SLC4A10: variants seen among roughly 807,000 people sequenced by gnomAD.
The protein encoded by SLC4A10 is solute carrier family 4 member 10.
Under a neutral mutation model 137.7 loss-of-function variants are expected in SLC4A10, and 42 were observed. The observed-to-expected ratio is 0.30, with a 90% CI of 0.24 to 0.39. SLC4A10 has a LOEUF of 0.39. Among genes scored for constraint, SLC4A10 ranks in the 10% least tolerant of loss-of-function variants. The probability of loss-of-function intolerance (pLI) is 1.00; values close to 1 mark genes in which losing one functional copy is unlikely to be tolerated. For synonymous variants in SLC4A10, 474 were observed against 464.1 expected (o/e 1.02, Z -0.27); for missense variants, 925 against 1,355.0 (o/e 0.68, Z 4.98).
chr2:161,624,663 G>T, intron 1 of SLC4A10, 97 bp downstream of exon 1: 1 of 1,515,594 alleles, frequency 6.6e-7, no homozygotes. Context: ...TGTACTTTTG[G>T]GGTGGTGGAT....
intron 3 of SLC4A10, among the ~76,000 whole-genome samples, chr2:161,805,536 A>C (rs2125605515): frequency 6.6e-6 from 1 of 152,310 alleles, no homozygotes; most frequent in Non-Finnish European, 1.5e-5. Context: ...ACTGGGGTAA[A>C]GGCATTAGGT....
intron 23 of SLC4A10, among the ~76,000 whole-genome samples, chr2:161,969,180 T>C (rs1698097151): frequency 6.6e-6 from 1 of 152,180 alleles, no homozygotes; most frequent in Non-Finnish European, 1.5e-5. Flanking sequence ...CCTCCAGGGT[T>C]TTCCTATCAG....
chr2:161,900,142 G>A (rs1255541493), intron 11 of SLC4A10, among the ~76,000 whole-genome samples: 7 of 151,984 alleles, frequency 4.6e-5, no homozygotes, highest in East Asian at 1.9e-4. Flanking sequence ...TAGGATTTTA[G>A]GTAGAACTTT....
At chr2:161,773,420 A>C (rs944857043) in intron 2 of SLC4A10, among the ~76,000 whole-genome samples, 2 of 151,910 alleles carry the variant, frequency 1.3e-5, no homozygotes, top group African/African-American at 4.8e-5. Context: ...TTAAAGGAAA[A>C]GAACAAAACT....
intron 1 of SLC4A10, among the ~76,000 whole-genome samples, chr2:161,689,126 T>TA (rs1173879132): frequency 6.6e-6 from 1 of 152,142 alleles, no homozygotes; most frequent in African/African-American, 2.4e-5. Flanking sequence ...ATCAAAAAGT[T>TA]AAAAAAATTA....
intron 17 of SLC4A10, among the ~76,000 whole-genome samples, chr2:161,947,983 A>G (rs1349443878): frequency 6.6e-6 from 1 of 152,094 alleles, no homozygotes; most frequent in Non-Finnish European, 1.5e-5. Flanking sequence ...TTCACAGCAC[A>G]CACTGCATTA....
chr2:161,740,060 C>A (rs1236129753), intron 1 of SLC4A10, among the ~76,000 whole-genome samples: 1 of 152,180 alleles, frequency 6.6e-6, no homozygotes, highest in Non-Finnish European at 1.5e-5. Flanking sequence ...CAAAGACAGG[C>A]TTTTACCAGG....
Position 161,922,032 on chromosome 2 carries a change from C to A in SLC4A10, c.1997+16145C>A, listed in dbSNP as rs753258316. Among the ~76,000 whole-genome samples, 4 of 152,108 alleles carry A rather than the reference C, an allele frequency of 2.6e-5. No homozygotes were observed. In the South Asian group the frequency reaches 8.3e-4, roughly 31 times the overall value. ...GCATAGACAGGATTCCTTCATGGAACTTATAGTCTGTTGAAAGAATCAGAC... is the reference window on the plus strand; with the variant it reads ...GCATAGACAGGATTCCTTCATGGAAATTATAGTCTGTTGAAAGAATCAGAC... On this transcript the variant is annotated intron_variant, in intron 15 of 26. Coordinates refer to ENST00000446997, the MANE Select transcript of SLC4A10 (RefSeq NM_001178015.2).
At chr2:161,642,565 G>C (rs2035457177) in intron 1 of SLC4A10, among the ~76,000 whole-genome samples, 1 of 151,910 alleles carries the variant, frequency 6.6e-6, no homozygotes, top group South Asian at 2.1e-4. Flanking sequence ...AAAATGAATG[G>C]TTCATATATT....
intron 3 of SLC4A10, among the ~76,000 whole-genome samples, chr2:161,828,048 C>T (rs2058142918): frequency 6.6e-6 from 1 of 152,104 alleles, no homozygotes; most frequent in African/African-American, 2.4e-5. Context: ...TGACTTTGGT[C>T]CCCAGCTCTC....
At chr2:161,917,714 G>A (rs1687379829) in intron 15 of SLC4A10, among the ~76,000 whole-genome samples, 1 of 152,012 alleles carries the variant, frequency 6.6e-6, no homozygotes, top group Admixed American at 6.5e-5. Flanking sequence ...CTATTGTGCT[G>A]GTGTGTAGCG....
intron 20 of SLC4A10, 125 bp downstream of exon 20, chr2:161,957,365 C>A: frequency 8.9e-7 from 1 of 1,123,774 alleles, no homozygotes; most frequent in Non-Finnish European, 1.2e-6. Context: ...TGATGAATTT[C>A]TGAACCATGT....
chr2:161,841,780 A>G (rs1179424856), intron 4 of SLC4A10, among the ~76,000 whole-genome samples: 4 of 152,234 alleles, frequency 2.6e-5, no homozygotes. Flanking sequence ...CACAAGGTAT[A>G]GGATGGCAGA....
chr2:161,708,694 C>G (rs2043950545), intron 1 of SLC4A10: 2 of 1,514,358 alleles, frequency 1.3e-6, no homozygotes, highest in Admixed American at 4.3e-5. Flanking sequence ...TTTTCACTAG[C>G]CCTGAAGATG....
chr2:161,941,697 T>C (rs1476197741), intron 15 of SLC4A10, among the ~76,000 whole-genome samples: 1 of 152,102 alleles, frequency 6.6e-6, no homozygotes, highest in Non-Finnish European at 1.5e-5. Context: ...CAGCGTAACA[T>C]GGTTGGTTGA....
chr2:161,953,004 A>G (rs1201705195), intron 19 of SLC4A10, among the ~76,000 whole-genome samples: 1 of 152,220 alleles, frequency 6.6e-6, no homozygotes, highest in African/African-American at 2.4e-5. Context: ...TCACCAGACC[A>G]CAAGCTAACC....
intron 4 of SLC4A10, among the ~76,000 whole-genome samples, chr2:161,841,290 C>G (rs867036585): frequency 1.3e-5 from 2 of 152,054 alleles, no homozygotes; most frequent in Non-Finnish European, 2.9e-5. Flanking sequence ...GTTGGCCAGG[C>G]TGGTCTCGAA....
chr2:161,821,645 A>T (rs1404578260), intron 3 of SLC4A10, among the ~76,000 whole-genome samples: 2 of 152,224 alleles, frequency 1.3e-5, no homozygotes, highest in Non-Finnish European at 2.9e-5. Flanking sequence ...AATTTTTAAC[A>T]GGAAGATTTT....
At chr2:161,709,294 A>T (rs565690428) in intron 1 of SLC4A10, among the ~76,000 whole-genome samples, 2 of 151,632 alleles carry the variant, frequency 1.3e-5, no homozygotes, top group African/African-American at 2.4e-5. Flanking sequence ...AACCATAGAA[A>T]CTGATGCTGC....
Sources: allele counts gnomAD v4.1 joint callset (sites outside exome capture counted in the v4.1 genomes callset), GRCh38; gene constraint gnomAD v4.1.1; transcripts MANE v1.5; gene names NCBI Gene and HGNC (gene_info 2026-07-23, HGNC 2026-07-21).